The following CPNE5 variants were observed in gnomAD, a reference collection of about 807,000 sequenced individuals.
The protein encoded by CPNE5 is copine-5.
In CPNE5, 42 loss-of-function variants were observed where a neutral mutation model predicts 81.1. That is an observed-to-expected ratio of 0.52 (90% CI 0.40 to 0.67). The LOEUF (loss-of-function observed/expected upper bound fraction) is 0.67. CPNE5 is among the 30% of genes least tolerant of loss of function. CPNE5 has a pLI of 0.00. For synonymous variants in CPNE5, 313 were observed against 321.5 expected (o/e 0.97, Z 0.28); for missense variants, 612 against 815.5 (o/e 0.75, Z 3.04).
At chr6:36,792,321 T>C in intron 7 of CPNE5, 2 of 1,522,396 alleles carry the variant, frequency 1.3e-6, no homozygotes, top group Non-Finnish European at 1.8e-6. Context: ...CCCCACCCCC[T>C]GCTCCCCGAG....
chr6:36,762,706 T>G (rs984840459), intron 12 of CPNE5, among the ~76,000 whole-genome samples: 2 of 152,204 alleles, frequency 1.3e-5, no homozygotes, highest in Admixed American at 6.5e-5. Flanking sequence ...GGGTTGTTTG[T>G]GTCTTGATTT....
intron 15 of CPNE5, 95 bp downstream of exon 15, chr6:36,748,126 G>C: frequency 1.8e-6 from 2 of 1,111,556 alleles, no homozygotes; most frequent in Non-Finnish European, 2.8e-6. Context: ...AGAGGCCAGA[G>C]AGTATGAGGG....
intron 12 of CPNE5, among the ~76,000 whole-genome samples, chr6:36,762,328 G>A (rs894425377): frequency 1.1e-4 from 16 of 145,212 alleles, no homozygotes; most frequent in East Asian, 3.9e-4. Context: ...ACACGCATGC[G>A]CACACACGCA....
chr6:36,749,665 A>AAAC (rs1485239281), intron 14 of CPNE5, among the ~76,000 whole-genome samples: 1 of 151,622 alleles, frequency 6.6e-6, no homozygotes, highest in African/African-American at 2.4e-5. Flanking sequence ...CAAAAATAAA[A>AAAC]AAAAAAAACC....
chr6:36,761,058 C>T (rs1033137708), intron 12 of CPNE5, among the ~76,000 whole-genome samples: 1 of 152,234 alleles, frequency 6.6e-6, no homozygotes, highest in Non-Finnish European at 1.5e-5. Context: ...CAATTGAATG[C>T]TTTCTGCTCT....
In CPNE5 at chr6:36,758,371, C is replaced by T. The variant is rs185379100; in HGVS notation, c.856-2073G>A. 6.8e-4 allele frequency among the ~76,000 whole-genome samples: 103 copies of T among 151,694 alleles called. 1 individual carries two copies. The East Asian group carries it at 0.018, about 27-fold the overall frequency. ...ATAGCTCACTGTGGCCTCAACCTCC[C>T]GGGCTCAAGCAATCCTTCCAGGTAG... On this transcript the variant is annotated intron_variant, in intron 12 of 20. Transcript: ENST00000244751.
At chr6:36,744,987 C>A in intron 18 of CPNE5, 61 bp downstream of exon 18, 1 of 1,192,808 alleles carries the variant, frequency 8.4e-7, no homozygotes, top group Non-Finnish European at 1.3e-6. Flanking sequence ...CCCCAGGGTT[C>A]CCCTAACGGG....
intron 20 of CPNE5, chr6:36,743,259 C>T (rs1293143333): frequency 1.0e-6 from 1 of 984,766 alleles, no homozygotes; most frequent in Non-Finnish European, 1.2e-6. Flanking sequence ...GGTCTTTCTG[C>T]TCATTATATT....
rs1265249251 is a variant in CPNE5, at chr6:36,741,457, TACTC to T, written c.*807_*810del. Reference sequence around the variant, plus strand: ...GGGAACGTGGGGCTGAGCCACTCCTTACTCAGGCCTCCAGATGGGCAGAGGCGTG... The same window carrying T: ...GGGAACGTGGGGCTGAGCCACTCCTTAGGCCTCCAGATGGGCAGAGGCGTG... On this transcript the variant is annotated 3_prime_UTR_variant, in exon 21 of 21. Transcript: ENST00000244751. 1 of 152,220 alleles carries T rather than the reference TACTC, an allele frequency of 6.6e-6. No homozygotes were observed. Among genetic ancestry groups the T allele is most frequent in the African/African-American group, 2.4e-5 (1 of 41,426 alleles). The allele number at this position is 152,220 out of a possible 1,614,324, so 9.4% of individuals were successfully genotyped here.
chr6:36,815,623 T>G (rs933762151), intron 3 of CPNE5, among the ~76,000 whole-genome samples: 1 of 152,216 alleles, frequency 6.6e-6, no homozygotes, highest in Non-Finnish European at 1.5e-5. Flanking sequence ...GCTACCCAGT[T>G]TATGGTATTT....
chr6:36,769,612 A>G (rs1428861884), intron 10 of CPNE5, among the ~76,000 whole-genome samples: 2 of 151,802 alleles, frequency 1.3e-5, no homozygotes, highest in African/African-American at 4.8e-5. Context: ...CCAACACTCA[A>G]CTCTTCAGGA....
rs543980188 is a variant in CPNE5, at chr6:36,748,262, T to G, written c.977A>C (p.Gln326Pro). 6.2e-7 allele frequency: 1 copy of G among 1,614,114 alleles called. No homozygotes were observed. The highest frequency in any genetic ancestry group is 1.1e-5 in the South Asian group (1 of 91,076). Residue 326 changes from glutamine (Q) to proline (P), a missense_variant, in exon 15 of 21, where the codon CAG (glutamine) becomes CCG (proline). By Grantham distance (76) the Gln-to-Pro change is moderately conservative. Transcript: ENST00000244751. The stretch of plus-strand genomic sequence containing the variant: ...ATCAATGGCCACAGTGAAGTTGATC[T>G]GGGTCCTAGAAGAGGGAGAACAGCA... The part of the protein sequence containing the change: ...TFLDYIKGGT[Q>P]INFTVAIDFT...
chr6:36,794,023 G>T (rs1769335966), intron 7 of CPNE5, among the ~76,000 whole-genome samples: 1 of 152,172 alleles, frequency 6.6e-6, no homozygotes, highest in African/African-American at 2.4e-5. Flanking sequence ...CATGAGGCCA[G>T]CCGAAGCCAG....
intron 9 of CPNE5, among the ~76,000 whole-genome samples, chr6:36,776,491 A>T (rs568107686): frequency 2.0e-5 from 3 of 152,256 alleles, no homozygotes; most frequent in Non-Finnish European, 4.4e-5. Context: ...TGACTGGGGT[A>T]GGCAGGTGGG....
intron 14 of CPNE5, among the ~76,000 whole-genome samples, chr6:36,750,553 C>T (rs78622327): frequency 0.082 from 12,471 of 152,294 alleles, 632 homozygotes; most frequent in Non-Finnish European, 0.11. Context: ...CCCCACCCAA[C>T]CCTGCCATCC....
intron 10 of CPNE5, among the ~76,000 whole-genome samples, chr6:36,767,294 C>T (rs953005155): frequency 1.3e-5 from 2 of 152,202 alleles, no homozygotes; most frequent in African/African-American, 4.8e-5. Flanking sequence ...CCAGGTCCAG[C>T]TCTGGGCAAG....
At chr6:36,763,079 G>C in intron 11 of CPNE5, 87 bp from the exon 12 acceptor site, 3 of 1,217,246 alleles carry the variant, frequency 2.5e-6, no homozygotes, top group Non-Finnish European at 3.6e-6. Flanking sequence ...CGTTTCTTTG[G>C]CTCCCAATTC....
rs1000700668 is a variant in CPNE5, at chr6:36,791,746, T to A, written c.528+287A>T. 2.0e-5 allele frequency among the ~76,000 whole-genome samples: 3 copies of A among 152,080 alleles called. No homozygotes were observed. In the East Asian group the frequency reaches 5.8e-4, roughly 29 times the overall value. ...GGCTCAAGGACACGTGAGTGGTGGC[T>A]GTGATGGGGAGGGGAGGGAGCCCTG... On this transcript the variant is annotated intron_variant, in intron 8 of 20. Coordinates refer to ENST00000244751, the MANE Select transcript of CPNE5 (RefSeq NM_020939.2).
intron 10 of CPNE5, among the ~76,000 whole-genome samples, chr6:36,770,959 G>A (rs994682974): frequency 2.6e-5 from 4 of 152,118 alleles, no homozygotes; most frequent in East Asian, 1.9e-4. Flanking sequence ...CATTTCTGTC[G>A]GTGGTGCCAC....
Sources: allele counts gnomAD v4.1 joint callset (sites outside exome capture counted in the v4.1 genomes callset), GRCh38; gene constraint gnomAD v4.1.1; transcripts MANE v1.5; gene names NCBI Gene and HGNC (gene_info 2026-07-23, HGNC 2026-07-21).